The following ARF3 variants were observed in gnomAD, a reference collection of about 807,000 sequenced individuals.
ARF3 encodes ARF GTPase 3.
A neutral mutation model predicts 19.3 loss-of-function variants in ARF3; 5 were observed. The ratio of observed to expected loss-of-function variants is 0.26; its 90% CI spans 0.14 to 0.54. The LOEUF (loss-of-function observed/expected upper bound fraction) is 0.54, where lower values mean the gene tolerates loss of function less well. Ranked by LOEUF, ARF3 falls within the 20% of genes least tolerant of loss-of-function variation. The pLI is 0.95. For synonymous variants in ARF3, 71 were observed against 89.2 expected, an observed-to-expected ratio of 0.80 and a Z score of 1.15; for missense variants, 77 against 234.2, an observed-to-expected ratio of 0.33 and a Z score of 4.38.
In ARF3 at chr12:48,939,973, A is replaced by T. The variant is rs1940223076; in HGVS notation, c.259+24T>A. 6.2e-7 allele frequency: 1 copy of T among 1,608,726 alleles called. No individual in the cohort carries two copies. The highest frequency in any genetic ancestry group is 1.3e-5 in the African/African-American group (1 of 74,904). ...CCACACTCTCTGCTCATACCCAACC[A>T]ACCCACGCTAGGCCTGAGCATACCT... On this transcript the variant is annotated intron_variant, in intron 3 of 4. Coordinates refer to ENST00000256682, the MANE Select transcript of ARF3 (RefSeq NM_001659.3). This position sits in a 1 kb window ranked among gnomAD's most constrained non-coding sequence, Gnocchi z 4.8.
chr12:48,950,482 C>T (rs953720059), intron 1 of ARF3, among the ~76,000 whole-genome samples: 10 of 152,260 alleles, frequency 6.6e-5, no homozygotes, highest in Admixed American at 4.6e-4. Flanking sequence ...CCACTGTACC[C>T]GACTGGCTTC....
intron 1 of ARF3, 73 bp from the exon 2 acceptor site, chr12:48,941,261 G>T: frequency 1.2e-6 from 1 of 803,564 alleles, no homozygotes; most frequent in Non-Finnish European, 1.9e-6. Flanking sequence ...ATTTCCCAAG[G>T]TCATGGCTAG....
rs1249393632 is a variant in ARF3, at chr12:48,952,759, GT to G, written c.-94+4550del. Among the ~76,000 whole-genome samples the G allele has an allele frequency of 3.9e-5, 6 of 152,216 alleles. No homozygotes were observed. In the East Asian group the frequency reaches 1.2e-3, roughly 29 times the overall value. On this transcript the variant is annotated intron_variant, in intron 1 of 4. Transcript: ENST00000256682. ...AGAACTGCCTACTTAGGGAATAAGA[GT>G]TACCTGCGATCCCTCGGCATCCCAA...
rs751619589 is a variant in ARF3, at chr12:48,939,052, G to A, written c.441C>T (p.Ser147=). The part of the protein sequence containing the change: ...AEITDKLGLH[S]LRHRNWYIQA... Reference sequence around the variant, plus strand: ...GAATGTACCAGTTACGGTGACGAAGGGAATGCAGGCCCAGCTTGTCTGTGA... The same window carrying A: ...GAATGTACCAGTTACGGTGACGAAGAGAATGCAGGCCCAGCTTGTCTGTGA... Residue 147 remains serine (S), a synonymous_variant, in exon 5 of 5, where the codon TCC becomes TCT. Coordinates refer to ENST00000256682, the MANE Select transcript of ARF3 (RefSeq NM_001659.3). This position sits in a 1 kb window ranked among gnomAD's most constrained non-coding sequence, Gnocchi z 4.8. The A allele has an allele frequency of 1.4e-5, 22 of 1,613,978 alleles. No individual in the cohort carries two copies. Among genetic ancestry groups the A allele is most frequent in the Non-Finnish European group, 1.8e-5 (21 of 1,180,036 alleles).
chr12:48,945,393 T>C (rs1940340877), intron 1 of ARF3, among the ~76,000 whole-genome samples: 2 of 152,080 alleles, frequency 1.3e-5, no homozygotes, highest in Admixed American at 6.5e-5. Context: ...TCCTGGCTAA[T>C]ACAGTGAAAC....
chr12:48,945,952 G>A (rs1027062347), intron 1 of ARF3, among the ~76,000 whole-genome samples: 4 of 152,106 alleles, frequency 2.6e-5, no homozygotes, highest in Non-Finnish European at 5.9e-5. Context: ...ACAGGCATGT[G>A]CCACCATGCC....
intron 1 of ARF3, chr12:48,955,829 A>G (rs1349624107): frequency 1.3e-5 from 2 of 152,254 alleles, no homozygotes; most frequent in Admixed American, 6.5e-5. Context: ...ATGCTGGGAA[A>G]CAGGACGCAT....
At chr12:48,942,964 G>A (rs1384648230) in intron 1 of ARF3, among the ~76,000 whole-genome samples, 3 of 152,038 alleles carry the variant, frequency 2.0e-5, no homozygotes, top group African/African-American at 4.8e-5. Context: ...AAAACTAGCC[G>A]GGCATGGTGG....
intron 1 of ARF3, chr12:48,941,650 C>T (rs1940258872): frequency 1.3e-5 from 2 of 152,156 alleles, no homozygotes; most frequent in African/African-American, 4.8e-5. Context: ...TTCAGGCTTG[C>T]CAGTTTCCCA....
At position 48,940,043 on chromosome 12, in the gene ARF3, C is replaced by T. The variant is rs1592238804; in HGVS notation, c.213G>A (p.Gln71=). 1 of 1,614,198 alleles carries T rather than the reference C, an allele frequency of 6.2e-7. No individual in the cohort carries two copies. Among genetic ancestry groups the T allele is most frequent in the African/African-American group, 1.3e-5 (1 of 75,060 alleles). The change falls in exon 3 of 5, where the codon CAG becomes CAA. Residue 71 remains glutamine, a synonymous_variant. Coordinates refer to ENST00000256682, the MANE Select transcript of ARF3 (RefSeq NM_001659.3). ...ISFTVWDVGG[Q]DKIRPLWRHY... is the part of the protein sequence containing the mutation. Reference sequence around the variant, plus strand: ...GTCTCCAGAGGGGTCGAATCTTGTCCTGGCCACCCACATCCCACACTGTAA... The same window carrying T: ...GTCTCCAGAGGGGTCGAATCTTGTCTTGGCCACCCACATCCCACACTGTAA...
rs35034955 is a variant in ARF3 at position 48,938,668 on chromosome 12, TGAGA to T, written c.*275_*278del. 12 of 422,108 alleles carry T rather than the reference TGAGA, an allele frequency of 2.8e-5. No individual in the cohort carries two copies. The highest frequency in any genetic ancestry group is 4.5e-5 in the Non-Finnish European group (10 of 222,060). The allele number at this position is 422,108 out of a possible 1,614,324, so 26.1% of individuals were successfully genotyped here. A position where few individuals can be genotyped will look rare whatever the true frequency, so the allele number is the denominator to read the frequency against. On this transcript the variant is annotated 3_prime_UTR_variant, in exon 5 of 5. Transcript: ENST00000256682. Reference sequence around the variant, plus strand: ...ACTCGACCTCCCGAAACCCAGAGGGTGAGAGAGAGAGGGGCCACCCCATGAAACC... The same window carrying T: ...ACTCGACCTCCCGAAACCCAGAGGGTGAGAGAGGGGCCACCCCATGAAACC...
In ARF3 at chr12:48,938,818, G is replaced by C; in HGVS notation, c.*129C>G. 1 of 1,230,308 alleles carries C rather than the reference G, an allele frequency of 8.1e-7. No individual in the cohort carries two copies. Among genetic ancestry groups the C allele is most frequent in the Non-Finnish European group, 1.1e-6 (1 of 888,876 alleles). The allele number at this position is 1,230,308 out of a possible 1,614,324, so 76.2% of individuals were successfully genotyped here. A position where few individuals can be genotyped will look rare whatever the true frequency, so the allele number is the denominator to read the frequency against. On this transcript the variant is annotated 3_prime_UTR_variant, in exon 5 of 5. Transcript: ENST00000256682. ...GGGAGGCAGGGGAGGCAAGGCTCTTGCTGGGCATGTGGACATGATACCCAG... is the reference window on the plus strand; with the variant it reads ...GGGAGGCAGGGGAGGCAAGGCTCTTCCTGGGCATGTGGACATGATACCCAG...
At chr12:48,953,890 C>A (rs893352239) in intron 1 of ARF3, among the ~76,000 whole-genome samples, 4 of 152,154 alleles carry the variant, frequency 2.6e-5, no homozygotes, top group African/African-American at 4.8e-5. Context: ...GAAGAAGGTA[C>A]GGTAGACAGA....
At chr12:48,947,597 T>C (rs1451364970) in intron 1 of ARF3, among the ~76,000 whole-genome samples, 3 of 152,128 alleles carry the variant, frequency 2.0e-5, no homozygotes, top group African/African-American at 4.8e-5. Context: ...TGGGCCACCG[T>C]GCCTGGCCTC....
At chr12:48,954,250 C>T (rs573598862) in intron 1 of ARF3, among the ~76,000 whole-genome samples, 25 of 152,284 alleles carry the variant, frequency 1.6e-4, no homozygotes, top group Non-Finnish European at 3.1e-4. Flanking sequence ...GCTGTCTCTG[C>T]GATGCTGATG....
chr12:48,956,965 C>A (rs1473264862), intron 1 of ARF3: 2 of 152,518 alleles, frequency 1.3e-5, no homozygotes, highest in African/African-American at 2.4e-5. Flanking sequence ...TACAAACAGC[C>A]ATCACCGCCC....
chr12:48,950,127 G>A (rs1940438555), intron 1 of ARF3, among the ~76,000 whole-genome samples: 1 of 152,166 alleles, frequency 6.6e-6, no homozygotes, highest in Non-Finnish European at 1.5e-5. Flanking sequence ...CTCATGGTGC[G>A]CTACAGCCTC....
chr12:48,952,142 T>C (rs1388916469), intron 1 of ARF3, among the ~76,000 whole-genome samples: 2 of 152,198 alleles, frequency 1.3e-5, no homozygotes, highest in Admixed American at 6.5e-5. Flanking sequence ...AGAATTGTTA[T>C]GCCAGCTTCC....
In ARF3 at chr12:48,938,435, C is replaced by A. The variant is rs1360483446; in HGVS notation, c.*512G>T. ...CTTCACTCCACCCCCTCCCCGCTCCCCCCGGCCCCCACAAATATATCTCTC... is the reference window on the plus strand; with the variant it reads ...CTTCACTCCACCCCCTCCCCGCTCCACCCGGCCCCCACAAATATATCTCTC... On this transcript the variant is annotated 3_prime_UTR_variant, in exon 5 of 5. Transcript: ENST00000256682. 2.2e-6 allele frequency: 1 copy of A among 454,160 alleles called. No homozygotes were observed. The highest frequency in any genetic ancestry group is 4.4e-6 in the Non-Finnish European group (1 of 226,886). 28.1% of individuals were successfully genotyped at this position (454,160 alleles called of 1,614,324 possible). A position where few individuals can be genotyped will look rare whatever the true frequency, so the allele number is the denominator to read the frequency against.
Sources: allele counts gnomAD v4.1 joint callset (sites outside exome capture counted in the v4.1 genomes callset), GRCh38; gene constraint gnomAD v4.1.1; non-coding constraint Gnocchi (gnomAD v3.1); transcripts MANE v1.5; gene names NCBI Gene and HGNC (gene_info 2026-07-23, HGNC 2026-07-21).